The following CARMIL1 variants were observed in gnomAD, a reference collection of about 807,000 sequenced individuals.
The protein encoded by CARMIL1 is F-actin-uncapping protein LRRC16A.
CARMIL1 carries 90 observed loss-of-function variants against 177.1 expected under a neutral mutation model. The observed-to-expected ratio is 0.51, with a 90% CI of 0.43 to 0.61. The LOEUF (loss-of-function observed/expected upper bound fraction) is 0.61, where lower values mean the gene tolerates loss of function less well. CARMIL1 is among the 20% of genes least tolerant of loss of function. The pLI, the probability that CARMIL1 is intolerant of heterozygous loss-of-function variation, is 0.00. For synonymous variants in CARMIL1, 577 were observed against 606.2 expected (o/e 0.95, Z 0.71); for missense variants, 1,380 against 1,667.0 (o/e 0.83, Z 3.00).
intron 17 of CARMIL1, among the ~76,000 whole-genome samples, chr6:25,501,053 C>G (rs1213003132): frequency 6.6e-6 from 1 of 152,118 alleles, no homozygotes; most frequent in African/African-American, 2.4e-5. Context: ...TGAGCCACTG[C>G]GCCCAGCCTA....
At chr6:25,510,165 C>T (rs902543182) in intron 18 of CARMIL1, among the ~76,000 whole-genome samples, 4 of 152,096 alleles carry the variant, frequency 2.6e-5, no homozygotes, top group African/African-American at 9.7e-5. Context: ...CTCCACTTAC[C>T]TCACAGTGAA....
intron 2 of CARMIL1, among the ~76,000 whole-genome samples, chr6:25,311,670 C>A (rs1307265404): frequency 6.6e-6 from 1 of 150,932 alleles, no homozygotes; most frequent in Non-Finnish European, 1.5e-5. Context: ...AGCTGTAAAT[C>A]ATTAGCCATC....
At chr6:25,414,443 A>T (rs958330549) in intron 2 of CARMIL1, among the ~76,000 whole-genome samples, 14 of 152,260 alleles carry the variant, frequency 9.2e-5, no homozygotes, top group African/African-American at 3.1e-4. Context: ...CCTTTTTGGT[A>T]AGTCACAGAG....
At chr6:25,498,252 A>G (rs114224429) in intron 16 of CARMIL1, among the ~76,000 whole-genome samples, 293 of 152,356 alleles carry the variant, frequency 1.9e-3, no homozygotes, top group African/African-American at 6.5e-3. Context: ...AGCTGGAAGA[A>G]TTAAATACAA....
At chr6:25,301,668 C>T (rs1368979680) in intron 2 of CARMIL1, among the ~76,000 whole-genome samples, 3 of 152,150 alleles carry the variant, frequency 2.0e-5, no homozygotes, top group Non-Finnish European at 4.4e-5. Flanking sequence ...AGCAGTGACT[C>T]TCAGCCTGGC....
intron 3 of CARMIL1, among the ~76,000 whole-genome samples, chr6:25,424,605 G>A (rs968588129): frequency 6.6e-6 from 1 of 152,164 alleles, no homozygotes; most frequent in Non-Finnish European, 1.5e-5. Context: ...AGTTATAGTA[G>A]CAAATGTTTT....
intron 2 of CARMIL1, among the ~76,000 whole-genome samples, chr6:25,309,405 T>C: frequency 6.6e-6 from 1 of 150,974 alleles, no homozygotes; most frequent in Admixed American, 6.6e-5. Flanking sequence ...ATTTCACCTG[T>C]TTAAAGTGTA....
At chr6:25,488,432 A>T (rs1289510677) in intron 12 of CARMIL1, 50 bp from the exon 13 acceptor site, 1 of 1,355,318 alleles carries the variant, frequency 7.4e-7, no homozygotes, top group Admixed American at 1.7e-5. Flanking sequence ...CACAAACCTC[A>T]TTTTGTTTCC....
chr6:25,619,089 G>C (rs916542104), intron 36 of CARMIL1, among the ~76,000 whole-genome samples: 1 of 152,166 alleles, frequency 6.6e-6, no homozygotes, highest in Non-Finnish European at 1.5e-5. Flanking sequence ...TATGACTGAG[G>C]AGGTCACCTG....
intron 12 of CARMIL1, among the ~76,000 whole-genome samples, chr6:25,484,785 A>G (rs148458418): frequency 6.6e-6 from 1 of 152,202 alleles, no homozygotes; most frequent in Non-Finnish European, 1.5e-5. Context: ...ATCTATTTTT[A>G]AAAAAGTTTA....
At chr6:25,596,850 GACACAC>G (rs34651019) in intron 32 of CARMIL1, among the ~76,000 whole-genome samples, 86 of 149,130 alleles carry the variant, frequency 5.8e-4, no homozygotes, top group Middle Eastern at 6.9e-3. Flanking sequence ...CAAACACACA[GACACAC>G]ACACACACAC....
chr6:25,281,134 G>GCGCGCT (rs34396134), intron 1 of CARMIL1, among the ~76,000 whole-genome samples: 1 of 67,930 alleles, frequency 1.5e-5, no homozygotes, highest in East Asian at 5.4e-4. Context: ...GTGTGCGCGC[G>GCGCGCT]CGCACACACA....
chr6:25,372,185 G>T (rs576110438), intron 2 of CARMIL1, among the ~76,000 whole-genome samples: 25 of 152,282 alleles, frequency 1.6e-4, no homozygotes, highest in African/African-American at 5.5e-4. Context: ...GTTAGGTAAT[G>T]TGATGCCTTC....
chr6:25,458,412 C>T (rs1440768531), intron 8 of CARMIL1, among the ~76,000 whole-genome samples: 2 of 132,912 alleles, frequency 1.5e-5, no homozygotes, highest in African/African-American at 5.7e-5. Context: ...TTGCTTGAAT[C>T]GGGTGGCGAG....
At chr6:25,352,308 C>G (rs1424423679) in intron 2 of CARMIL1, among the ~76,000 whole-genome samples, 2 of 130,466 alleles carry the variant, frequency 1.5e-5, no homozygotes, top group African/African-American at 6.1e-5. Context: ...TTTTCAGGTA[C>G]TTGTAGGATA....
chr6:25,526,414 A>AT (rs752998714), intron 23 of CARMIL1, among the ~76,000 whole-genome samples: 5 of 121,610 alleles, frequency 4.1e-5, no homozygotes, highest in Non-Finnish European at 9.4e-5. Context: ...TGCTTTGTTA[A>AT]TAAAAAAATA....
chr6:25,553,156 T>C (rs545643173), intron 27 of CARMIL1, among the ~76,000 whole-genome samples: 10 of 152,322 alleles, frequency 6.6e-5, no homozygotes, highest in Admixed American at 3.9e-4. Context: ...GTTACATGAA[T>C]ATATTTTCAA....
intron 2 of CARMIL1, among the ~76,000 whole-genome samples, chr6:25,342,264 G>A (rs1224865455): frequency 4.6e-5 from 7 of 152,190 alleles, no homozygotes; most frequent in Non-Finnish European, 1.0e-4. Context: ...TTGTGAAGAG[G>A]TCATTTAGTC....
intron 23 of CARMIL1, among the ~76,000 whole-genome samples, chr6:25,523,303 T>C (rs1418885842): frequency 2.0e-5 from 3 of 152,244 alleles, no homozygotes; most frequent in Non-Finnish European, 4.4e-5. Context: ...AAAATAAAGC[T>C]ATGTAATAAC....
Sources: allele counts gnomAD v4.1 joint callset (sites outside exome capture counted in the v4.1 genomes callset), GRCh38; gene constraint gnomAD v4.1.1; transcripts MANE v1.5; gene names NCBI Gene and HGNC (gene_info 2026-07-23, HGNC 2026-07-21).